ATF7IP: variants seen among roughly 807,000 people sequenced by gnomAD.
The protein encoded by ATF7IP is activating transcription factor 7 interacting protein, also known as activating transcription factor 7-interacting protein 1.
A neutral mutation model predicts 106.4 loss-of-function variants in ATF7IP; 23 were observed. That is an observed-to-expected ratio of 0.22 (90% CI 0.16 to 0.31). The LOEUF (loss-of-function observed/expected upper bound fraction) is 0.31. Among genes scored for constraint, ATF7IP ranks in the 10% least tolerant of loss-of-function variants. The probability of loss-of-function intolerance (pLI) is 1.00; values close to 1 mark genes in which losing one functional copy is unlikely to be tolerated. For missense variants in ATF7IP, 1,334 were observed against 1,524.3 expected (o/e 0.88, Z 2.08); for synonymous variants, 542 against 539.0 (o/e 1.01, Z -0.08).
At chr12:14,416,853 C>T (rs938847382) in intron 1 of ATF7IP, 6 of 925,304 alleles carry the variant, frequency 6.5e-6, no homozygotes, top group Non-Finnish European at 7.7e-6. Context: ...TTTCAGTTCT[C>T]TCACAGGACT....
intron 1 of ATF7IP, among the ~76,000 whole-genome samples, chr12:14,367,706 G>C (rs1443083634): frequency 6.6e-6 from 1 of 152,042 alleles, no homozygotes; most frequent in Non-Finnish European, 1.5e-5. Context: ...GGTAGTAAGA[G>C]GTATTTGAAA....
chr12:14,494,954 A>G (rs1444730900), intron 13 of ATF7IP, among the ~76,000 whole-genome samples: 1 of 141,612 alleles, frequency 7.1e-6, no homozygotes, highest in African/African-American at 2.6e-5. Context: ...AAAAAAAAAA[A>G]AGATCCCACA....
At position 14,497,709 on chromosome 12, in the gene ATF7IP, G is replaced by A. The variant is rs763696130; in HGVS notation, c.3449G>A (p.Arg1150His). Residue 1150 changes from arginine to histidine, a missense_variant, in exon 15 of 15, where the codon CGT (arginine) becomes CAT (histidine). Physicochemically the swap from Arg to His is conservative, Grantham distance 29. Around this residue, in one of 10 missense-constraint regions of ATF7IP, gnomAD observed 80 missense variants for 157.0 expected, o/e 0.51. Coordinates refer to ENST00000261168, the MANE Select transcript of ATF7IP (RefSeq NM_018179.5). ...TTACCAGAAGCTCCACAACCACAGC[G>A]TCTGCCCCCAGAAGCTGCCAGCACA... The part of the protein sequence containing the change: ...APLPEAPQPQ[R>H]LPPEAASTSL... 6.2e-6 allele frequency: 10 copies of A among 1,614,014 alleles called. No homozygotes were observed. The highest frequency in any genetic ancestry group is 2.2e-5 in the East Asian group (1 of 44,884).
At chr12:14,373,568 G>A (rs181955592) in intron 1 of ATF7IP, among the ~76,000 whole-genome samples, 13 of 152,264 alleles carry the variant, frequency 8.5e-5, no homozygotes, top group Admixed American at 7.9e-4. Context: ...GGAAGTCTGG[G>A]AAATATATCT....
At chr12:14,434,552 C>T (rs1942308811) in intron 3 of ATF7IP, 129 bp downstream of exon 3, 1 of 614,120 alleles carries the variant, frequency 1.6e-6, no homozygotes, top group African/African-American at 1.9e-5. Flanking sequence ...ACAACTATAC[C>T]ATTTTGTTGA....
At chr12:14,371,382 A>G (rs1044743252) in intron 1 of ATF7IP, among the ~76,000 whole-genome samples, 2 of 152,124 alleles carry the variant, frequency 1.3e-5, no homozygotes, top group Non-Finnish European at 2.9e-5. Flanking sequence ...TTTTTAATGA[A>G]AAATCCCTGC....
chr12:14,399,278 A>G (rs1212572581), intron 1 of ATF7IP, among the ~76,000 whole-genome samples: 1 of 152,118 alleles, frequency 6.6e-6, no homozygotes, highest in African/African-American at 2.4e-5. Flanking sequence ...GCTGACTGCT[A>G]GCTTTGCTAG....
At position 14,438,253 on chromosome 12, in the gene ATF7IP, C is replaced by T. The variant is rs1218061897; in HGVS notation, c.1915C>T (p.Leu639Phe). Residue 639 changes from leucine to phenylalanine, a missense_variant, in exon 5 of 15, where the codon CTC (leucine) becomes TTC (phenylalanine). This residue lies in a region of ATF7IP where 171 missense variants were observed against 172.6 expected (regional missense o/e 0.99). Coordinates refer to ENST00000261168, the MANE Select transcript of ATF7IP (RefSeq NM_018179.5). ...IECNKRHKTVLTELQAKIARL... is the reference protein window; with the variant it reads ...IECNKRHKTVFTELQAKIARL... ...ATGTAACAAGAGGCATAAAACAGTT[C>T]TCACTGAACTACAGGTTTGTACATT... 3 of 1,612,300 alleles carry T rather than the reference C, an allele frequency of 1.9e-6. No homozygotes were observed. The highest frequency in any genetic ancestry group is 2.5e-6 in the Non-Finnish European group (3 of 1,179,714).
chr12:14,483,194 GGT>G (rs2136821175), intron 13 of ATF7IP, among the ~76,000 whole-genome samples: 1 of 152,236 alleles, frequency 6.6e-6, no homozygotes, highest in African/African-American at 2.4e-5. Flanking sequence ...GTTTATTCCT[GGT>G]GGAATGACCC....
In ATF7IP at chr12:14,496,845, G is replaced by A. The variant is rs138512298; in HGVS notation, c.3393+502G>A. Reference sequence around the variant, plus strand: ...TCACATTATCCTGTGACACAATTTTGTCAGTGTTTGACTGGTATGAAATAT... The same window carrying A: ...TCACATTATCCTGTGACACAATTTTATCAGTGTTTGACTGGTATGAAATAT... On this transcript the variant is annotated intron_variant, in intron 14 of 14. Transcript: ENST00000261168. 2.0e-5 allele frequency among the ~76,000 whole-genome samples: 3 copies of A among 152,248 alleles called. No homozygotes were observed. In the East Asian group the frequency reaches 5.8e-4, roughly 29 times the overall value.
intron 1 of ATF7IP, among the ~76,000 whole-genome samples, chr12:14,415,351 A>G (rs1421691322): frequency 6.6e-6 from 1 of 152,220 alleles, no homozygotes; most frequent in Non-Finnish European, 1.5e-5. Context: ...CATGTGGACC[A>G]TTCCAAAATT....
chr12:14,371,216 A>G (rs1431726980), intron 1 of ATF7IP, among the ~76,000 whole-genome samples: 1 of 152,092 alleles, frequency 6.6e-6, no homozygotes, highest in Non-Finnish European at 1.5e-5. Flanking sequence ...TAACATTTTT[A>G]TTGAACTAAA....
chr12:14,489,913 T>A (rs1184721493), intron 13 of ATF7IP, among the ~76,000 whole-genome samples: 1 of 152,172 alleles, frequency 6.6e-6, no homozygotes, highest in Admixed American at 6.5e-5. Flanking sequence ...ATATCTTGAG[T>A]ATATGTCTAT....
chr12:14,467,685 TAAC>T (rs1311413982), intron 10 of ATF7IP, among the ~76,000 whole-genome samples: 1 of 151,960 alleles, frequency 6.6e-6, no homozygotes, highest in Non-Finnish European at 1.5e-5. Context: ...TTTTTTTTTT[TAAC>T]AAGTAATATT....
intron 1 of ATF7IP, among the ~76,000 whole-genome samples, chr12:14,370,843 G>A (rs1193486380): frequency 6.6e-6 from 1 of 151,428 alleles, no homozygotes; most frequent in Non-Finnish European, 1.5e-5. Flanking sequence ...AAAATAAGTC[G>A]CAAAATAAAG....
At chr12:14,390,624 C>G (rs73304254) in intron 1 of ATF7IP, among the ~76,000 whole-genome samples, 1,810 of 152,246 alleles carry the variant, frequency 0.012, 22 homozygotes, top group Middle Eastern at 0.065. Context: ...GATTTTTGCT[C>G]AAATTAGTTG....
chr12:14,384,327 T>C (rs1487928014), intron 1 of ATF7IP, among the ~76,000 whole-genome samples: 1 of 152,220 alleles, frequency 6.6e-6, no homozygotes, highest in Non-Finnish European at 1.5e-5. Context: ...TCTGTGCTTT[T>C]GTCCTTCCCT....
chr12:14,475,792 T>TA (rs1944242414), intron 10 of ATF7IP, 98 bp from the exon 11 acceptor site: 1 of 841,234 alleles, frequency 1.2e-6, no homozygotes, highest in Non-Finnish European at 1.9e-6. Flanking sequence ...TGAACCAGGT[T>TA]ACTCATTAGT....
intron 1 of ATF7IP, among the ~76,000 whole-genome samples, chr12:14,412,478 A>C (rs1940975412): frequency 6.6e-6 from 1 of 152,156 alleles, no homozygotes; most frequent in Non-Finnish European, 1.5e-5. Flanking sequence ...TTTTCAGAAT[A>C]TTAAGTTTTG....
Sources: allele counts gnomAD v4.1 joint callset (sites outside exome capture counted in the v4.1 genomes callset), GRCh38; gene constraint gnomAD v4.1.1; regional missense constraint gnomAD v4.1.1; transcripts MANE v1.5; gene names NCBI Gene and HGNC (gene_info 2026-07-23, HGNC 2026-07-21).